NCK2: variants seen among roughly 807,000 people sequenced by gnomAD.
The protein encoded by NCK2 is NCK adaptor protein 2.
A neutral mutation model predicts 33.9 loss-of-function variants in NCK2; 16 were observed. The ratio of observed to expected loss-of-function variants is 0.47; its 90% CI spans 0.32 to 0.72. The LOEUF (loss-of-function observed/expected upper bound fraction) is 0.72. NCK2 is among the 30% of genes least tolerant of loss of function. The pLI, the probability that NCK2 is intolerant of heterozygous loss-of-function variation, is 0.03. For synonymous variants in NCK2, 273 were observed against 239.9 expected, an observed-to-expected ratio of 1.14 and a Z score of -1.27; for missense variants, 418 against 537.3, an observed-to-expected ratio of 0.78 and a Z score of 2.19.
chr2:105,774,319 T>G (rs1208130030), intron 1 of NCK2, among the ~76,000 whole-genome samples: 1 of 152,128 alleles, frequency 6.6e-6, no homozygotes, highest in Non-Finnish European at 1.5e-5. Flanking sequence ...TCCAGCTATC[T>G]TAGTAACAGA....
chr2:105,791,930 C>T (rs1265164381), intron 1 of NCK2, among the ~76,000 whole-genome samples: 5 of 151,994 alleles, frequency 3.3e-5, no homozygotes, highest in Non-Finnish European at 7.4e-5. Flanking sequence ...AATGTTTTTT[C>T]GATGTTTTGA....
intron 2 of NCK2, among the ~76,000 whole-genome samples, chr2:105,842,378 A>G (rs1257946743): frequency 6.6e-6 from 1 of 152,100 alleles, no homozygotes; most frequent in Non-Finnish European, 1.5e-5. Context: ...GAGCCACTGC[A>G]CCCAGCTTGT....
rs1487833073 is a variant in NCK2 at position 105,810,950 on chromosome 2, C to T, written c.-200-5480C>T. On this transcript the variant is annotated intron_variant, in intron 1 of 4. Transcript: ENST00000233154. ...CAGCACTTTGGGAGGCCCAGGTGGGCGGATCATGAGGTCAAGAGATTGAGA... is the reference window on the plus strand; with the variant it reads ...CAGCACTTTGGGAGGCCCAGGTGGGTGGATCATGAGGTCAAGAGATTGAGA... Among the ~76,000 whole-genome samples, 6 of 152,086 alleles carry T rather than the reference C, an allele frequency of 3.9e-5. No homozygotes were observed. The East Asian group carries it at 1.2e-3, about 29-fold the overall frequency.
intron 2 of NCK2, among the ~76,000 whole-genome samples, chr2:105,835,402 T>TAC (rs1553458597): frequency 2.7e-5 from 2 of 73,116 alleles, no homozygotes; most frequent in Non-Finnish European, 6.6e-5. Context: ...TATATATATA[T>TAC]ATACGTGTAT....
intron 3 of NCK2, among the ~76,000 whole-genome samples, chr2:105,876,879 G>A (rs886542700): frequency 2.0e-5 from 3 of 152,156 alleles, no homozygotes; most frequent in Non-Finnish European, 4.4e-5. Flanking sequence ...AGAGGCAGTC[G>A]CTTAGAGCCT....
chr2:105,866,001 G>T (rs936552684), intron 3 of NCK2, among the ~76,000 whole-genome samples: 1 of 151,960 alleles, frequency 6.6e-6, no homozygotes, highest in Non-Finnish European at 1.5e-5. Flanking sequence ...CGCAACCTCC[G>T]CCTACCAGGT....
chr2:105,773,278 C>T (rs1288735408), intron 1 of NCK2, among the ~76,000 whole-genome samples: 1 of 151,986 alleles, frequency 6.6e-6, no homozygotes. Flanking sequence ...AGTTGTTTCT[C>T]GAATCCTCTA....
chr2:105,801,790 C>T (rs1002666969), intron 1 of NCK2, among the ~76,000 whole-genome samples: 3 of 152,056 alleles, frequency 2.0e-5, no homozygotes, highest in Non-Finnish European at 2.9e-5. Flanking sequence ...GTGACATTTT[C>T]TGTGAGTGTG....
intron 3 of NCK2, among the ~76,000 whole-genome samples, chr2:105,873,609 T>C (rs1194649516): frequency 6.6e-6 from 1 of 152,118 alleles, no homozygotes; most frequent in African/African-American, 2.4e-5. Context: ...TTTGGCTCGT[T>C]TAAGGGGATG....
intron 1 of NCK2, among the ~76,000 whole-genome samples, chr2:105,797,238 C>T (rs750063366): frequency 7.2e-5 from 11 of 152,276 alleles, no homozygotes; most frequent in Non-Finnish European, 8.8e-5. Context: ...ATTTCAGCTC[C>T]TATACTAGTG....
At chr2:105,775,263 A>G (rs2104389401) in intron 1 of NCK2, among the ~76,000 whole-genome samples, 1 of 152,178 alleles carries the variant, frequency 6.6e-6, no homozygotes, top group African/African-American at 2.4e-5. Context: ...GTGGATTTTT[A>G]ATTTTTCATG....
intron 3 of NCK2, among the ~76,000 whole-genome samples, chr2:105,876,399 A>G (rs1387088125): frequency 1.3e-5 from 2 of 152,236 alleles, no homozygotes; most frequent in African/African-American, 4.8e-5. Flanking sequence ...TCCCTGAAGG[A>G]TCCACCTGGC....
At chr2:105,860,565 G>A (rs773802888) in intron 3 of NCK2, among the ~76,000 whole-genome samples, 1 of 152,116 alleles carries the variant, frequency 6.6e-6, no homozygotes, top group African/African-American at 2.4e-5. Context: ...AGTCAGAACC[G>A]CATGGGGAGG....
At chr2:105,814,844 T>C (rs6543340) in intron 1 of NCK2, among the ~76,000 whole-genome samples, 128,320 of 152,246 alleles carry the variant, frequency 0.84, 54,160 homozygotes, top group Middle Eastern at 0.88. Flanking sequence ...CCCAAACAAC[T>C]GCATAAAACA....
chr2:105,778,591 G>C (rs1449087198), intron 1 of NCK2, among the ~76,000 whole-genome samples: 1 of 152,246 alleles, frequency 6.6e-6, no homozygotes, highest in African/African-American at 2.4e-5. Context: ...GATGCTGGTG[G>C]CTGCGTGAAC....
intron 1 of NCK2, among the ~76,000 whole-genome samples, chr2:105,754,678 CTTTT>C (rs74265815): frequency 7.5e-6 from 1 of 133,942 alleles, no homozygotes. Context: ...CCCCCAACAA[CTTTT>C]TTTTTTTTTT....
intron 2 of NCK2, 64 bp from the exon 3 acceptor site, chr2:105,854,984 T>A: frequency 7.9e-7 from 1 of 1,262,030 alleles, no homozygotes; most frequent in East Asian, 2.4e-5. Context: ...TTTTTCAAGT[T>A]GGTGCAAAGG....
chr2:105,843,584 AAACG>A (rs1208521771), intron 2 of NCK2, among the ~76,000 whole-genome samples: 1 of 152,186 alleles, frequency 6.6e-6, no homozygotes, highest in East Asian at 1.9e-4. Context: ...TCAAAGAAAC[AAACG>A]AACGAACACT....
At chr2:105,867,663 G>A (rs1677815425) in intron 3 of NCK2, among the ~76,000 whole-genome samples, 1 of 152,206 alleles carries the variant, frequency 6.6e-6, no homozygotes, top group Non-Finnish European at 1.5e-5. Flanking sequence ...GGGTGTGTGG[G>A]ATTCACATTG....
Sources: allele counts gnomAD v4.1 joint callset (sites outside exome capture counted in the v4.1 genomes callset), GRCh38; gene constraint gnomAD v4.1.1; transcripts MANE v1.5; gene names NCBI Gene and HGNC (gene_info 2026-07-23, HGNC 2026-07-21).